Variants in TOR1A observed in about 807,000 individuals in gnomAD.
The protein encoded by TOR1A is torsin family 1 member A.
A neutral mutation model predicts 31.4 loss-of-function variants in TOR1A; 18 were observed. That is an observed-to-expected ratio of 0.57 (90% CI 0.40 to 0.85). TOR1A has a LOEUF of 0.85. Among genes scored for constraint, TOR1A ranks in the 40% least tolerant of loss-of-function variants. The probability of loss-of-function intolerance (pLI) is 0.00; values close to 1 mark genes in which losing one functional copy is unlikely to be tolerated. For missense variants in TOR1A, 375 were observed against 416.4 expected, an observed-to-expected ratio of 0.90 and a Z score of 0.87; for synonymous variants, 168 against 165.9, an observed-to-expected ratio of 1.01 and a Z score of -0.10.
At chr9:129,822,228 G>C in intron 2 of TOR1A, 1 of 359,184 alleles carries the variant, frequency 2.8e-6, no homozygotes, top group Non-Finnish European at 5.4e-6. Context: ...TCATGCCATT[G>C]CACTCCAGCC....
chr9:129,814,881 C>T (rs1427305664), intron 4 of TOR1A, among the ~76,000 whole-genome samples: 2 of 152,156 alleles, frequency 1.3e-5, no homozygotes, highest in Non-Finnish European at 2.9e-5. Flanking sequence ...CCACAGTGCC[C>T]AGACCCTGCA....
Position 129,818,454 on chromosome 9 carries a change from T to C in TOR1A, c.748+66A>G. The C allele has an allele frequency of 1.0e-5, 16 of 1,607,574 alleles. No individual in the cohort carries two copies. The South Asian group carries it at 1.8e-4, about 18-fold the overall frequency. ...CAGGTGATGCTGACAGTGACCCTGA[T>C]GCTTTTAACACTTAGGGTGCAGGAT... On this transcript the variant is annotated intron_variant, in intron 4 of 4. Coordinates refer to ENST00000351698, the MANE Select transcript of TOR1A (RefSeq NM_000113.3).
rs1268739171 is a variant in TOR1A at position 129,824,097 on chromosome 9, C to T, written c.-12G>A. 1.3e-6 allele frequency: 2 copies of T among 1,561,110 alleles called. No individual in the cohort carries two copies. Among genetic ancestry groups the T allele is most frequent in the African/African-American group, 1.4e-5 (1 of 74,048 alleles). ...CGGCCCAGCTTCATGCCCGGACCCG[C>T]GCCACCCTGCTTGTTCTCGCGCCGA... On this transcript the variant is annotated 5_prime_UTR_variant, in exon 1 of 5. Transcript: ENST00000351698.
intron 2 of TOR1A, among the ~76,000 whole-genome samples, chr9:129,819,930 C>CAAA (rs1311597597): frequency 1.0e-5 from 1 of 98,108 alleles, no homozygotes; most frequent in African/African-American, 4.0e-5. Context: ...GACTCCGTCT[C>CAAA]AAAAAAAAAA....
In TOR1A at chr9:129,818,879, A is replaced by G; in HGVS notation, c.486T>C (p.Cys162=). The G allele has an allele frequency of 6.2e-7, 1 of 1,613,892 alleles. No homozygotes were observed. The highest frequency in any genetic ancestry group is 8.5e-7 in the Non-Finnish European group (1 of 1,180,014). The change falls in exon 3 of 5, where the codon TGT becomes TGC. Residue 162 remains cysteine, a synonymous_variant. Coordinates refer to ENST00000351698, the MANE Select transcript of TOR1A (RefSeq NM_000113.3). ...CATCAAATATGAAGATGGACCTCGC[A>G]CAGGCACTCACGTTGCCTCGAATCC... ...QLWIRGNVSA[C]ARSIFIFDEM... is the part of the protein sequence containing the mutation.
At chr9:129,819,302 C>T (rs2031123171) in intron 2 of TOR1A, among the ~76,000 whole-genome samples, 1 of 152,132 alleles carries the variant, frequency 6.6e-6, no homozygotes, top group African/African-American at 2.4e-5. Flanking sequence ...TGTGGGATGT[C>T]ATGAGGATAC....
chr9:129,824,018 G>C lies in TOR1A; in HGVS notation c.68C>G (p.Pro23Arg). The C allele has an allele frequency of 6.2e-7, 1 of 1,609,678 alleles. No individual in the cohort carries two copies. Among genetic ancestry groups the C allele is most frequent in the South Asian group, 1.1e-5 (1 of 90,680 alleles). Reference sequence around the variant, plus strand: ...GGCCAGGGCCAGTCCCAGGCTGATGGGCTCCACCGCCTGCACCACGGACGG... The same window carrying C: ...GGCCAGGGCCAGTCCCAGGCTGATGCGCTCCACCGCCTGCACCACGGACGG... ...LAPSVVQAVE[P>R]ISLGLALAGV... is the part of the protein sequence containing the mutation. The change falls in exon 1 of 5, where the codon CCC becomes CGC. Residue 23 changes from proline to arginine, a missense_variant. Transcript: ENST00000351698.
rs777751136 is a variant in TOR1A, at chr9:129,818,477, G to T, written c.748+43C>A. On this transcript the variant is annotated intron_variant, in intron 4 of 4. Transcript: ENST00000351698. ...GATGCTTTTAACACTTAGGGTGCAG[G>T]ATTAGGAACCAGATGGGACTGGCGG... 6.2e-6 allele frequency: 10 copies of T among 1,612,438 alleles called. No homozygotes were observed. The East Asian group carries it at 2.2e-4, about 36-fold the overall frequency.
At position 129,818,597 on chromosome 9, in the gene TOR1A, C is replaced by T. The variant is rs1456730486; in HGVS notation, c.671G>A (p.Ser224Asn). The T allele has an allele frequency of 1.2e-6, 2 of 1,614,246 alleles. No homozygotes were observed. Among genetic ancestry groups the T allele is most frequent in the East Asian group, 2.2e-5 (1 of 44,892 alleles). ...CTTGATGTCTTCCCTCTGCTTTCCA[C>T]TCCTCCAGAAATCCAAAGCCACATC... ...ITDVALDFWRSGKQREDIKLK... is the reference protein window; with the variant it reads ...ITDVALDFWRNGKQREDIKLK... Residue 224 changes from serine (S) to asparagine (N), a missense_variant, in exon 4 of 5, where the codon AGT becomes AAT. Physicochemically the swap from Ser to Asn is conservative, Grantham distance 46. Coordinates refer to ENST00000351698, the MANE Select transcript of TOR1A (RefSeq NM_000113.3).
intron 4 of TOR1A, among the ~76,000 whole-genome samples, chr9:129,816,078 G>A (rs1049279399): frequency 2.0e-5 from 3 of 151,928 alleles, no homozygotes; most frequent in African/African-American, 7.3e-5. Context: ...GCTTCCCACG[G>A]TCTGCACCTC....
rs1281072003 is a variant in TOR1A, at chr9:129,818,777, G to C, written c.588C>G (p.Val196=). 2 of 1,613,362 alleles carry C rather than the reference G, an allele frequency of 1.2e-6. No individual in the cohort carries two copies. The highest frequency in any genetic ancestry group is 3.3e-5 in the Admixed American group (2 of 60,022). Residue 196 remains valine, a synonymous_variant, in exon 3 of 5, where the codon GTC becomes GTG. Transcript: ENST00000351698. The part of the protein sequence containing the change: ...FLDYYDLVDG[V]SYQKAMFIFL... ...ATATGAACATGGCTTTCTGGTAGGA[G>C]ACCCCATCCACCAGGTCATAATAGT...
chr9:129,818,489 G>A, intron 4 of TOR1A, 31 bp downstream of exon 4: 2 of 1,613,436 alleles, frequency 1.2e-6, no homozygotes, highest in Non-Finnish European at 1.7e-6. Flanking sequence ...TTAGGAACCA[G>A]ATGGGACTGG....
intron 4 of TOR1A, among the ~76,000 whole-genome samples, chr9:129,816,058 G>T (rs568784508): frequency 2.9e-4 from 44 of 152,064 alleles, no homozygotes; most frequent in Non-Finnish European, 5.9e-4. Context: ...GGTTCACCAT[G>T]GCCCGCCAGG....
chr9:129,822,282 T>A (rs897933810), intron 2 of TOR1A: 1 of 415,582 alleles, frequency 2.4e-6, no homozygotes, highest in African/African-American at 2.0e-5. Context: ...AAGAAAAAAA[T>A]AAAAAAATGA....
intron 4 of TOR1A, among the ~76,000 whole-genome samples, chr9:129,817,341 C>G (rs578181213): frequency 6.6e-6 from 1 of 152,288 alleles, no homozygotes; most frequent in South Asian, 2.1e-4. Flanking sequence ...CTGAGCTGCC[C>G]ACGGCATCCT....
intron 4 of TOR1A, among the ~76,000 whole-genome samples, chr9:129,816,063 G>A (rs766924812): frequency 6.6e-6 from 1 of 151,968 alleles, no homozygotes; most frequent in African/African-American, 2.4e-5. Flanking sequence ...ACCATGGCCC[G>A]CCAGGCTTCC....
At chr9:129,817,820 G>A (rs1361732558) in intron 4 of TOR1A, among the ~76,000 whole-genome samples, 1 of 126,492 alleles carries the variant, frequency 7.9e-6, no homozygotes, top group East Asian at 2.3e-4. Context: ...GGGAAACATA[G>A]GAAGACCCAG....
chr9:129,819,959 TAAATAAAATA>T (rs940102129), intron 2 of TOR1A, among the ~76,000 whole-genome samples: 2 of 147,916 alleles, frequency 1.4e-5, no homozygotes, highest in Non-Finnish European at 3.0e-5. Context: ...TAATAATAAA[TAAATAAAATA>T]AAATAAAATA....
At chr9:129,815,288 A>G (rs1274299784) in intron 4 of TOR1A, among the ~76,000 whole-genome samples, 2 of 152,240 alleles carry the variant, frequency 1.3e-5, no homozygotes, top group African/African-American at 4.8e-5. Context: ...ATGGCCAGGG[A>G]AAGAACAGAA....
Sources: allele counts gnomAD v4.1 joint callset (sites outside exome capture counted in the v4.1 genomes callset), GRCh38; gene constraint gnomAD v4.1.1; transcripts MANE v1.5; gene names NCBI Gene and HGNC (gene_info 2026-07-23, HGNC 2026-07-21).